The following TTLL6 variants were observed in gnomAD, a reference collection of about 807,000 sequenced individuals.
TTLL6 encodes the protein tubulin polyglutamylase TTLL6.
In TTLL6, 75 loss-of-function variants were observed where a neutral mutation model predicts 96.4. The ratio of observed to expected loss-of-function variants is 0.78; its 90% CI spans 0.65 to 0.94. The LOEUF (loss-of-function observed/expected upper bound fraction) is 0.94. Ranked by LOEUF, TTLL6 falls within the 40% of genes least tolerant of loss-of-function variation. The pLI is 0.00. For missense variants in TTLL6, 1,030 were observed against 1,093.0 expected, an observed-to-expected ratio of 0.94 and a Z score of 0.81; for synonymous variants, 411 against 419.4, an observed-to-expected ratio of 0.98 and a Z score of 0.24.
chr17:48,773,411 C>T (rs1376807005), intron 13 of TTLL6, among the ~76,000 whole-genome samples: 1 of 152,166 alleles, frequency 6.6e-6, no homozygotes, highest in Non-Finnish European at 1.5e-5. Flanking sequence ...TGGTATAAAT[C>T]TTCCACCTTT....
chr17:48,780,088 A>G (rs1170970174), intron 13 of TTLL6, among the ~76,000 whole-genome samples: 1 of 148,160 alleles, frequency 6.7e-6, no homozygotes, highest in Non-Finnish European at 1.5e-5. Flanking sequence ...TAGGGCTCAG[A>G]AAAAAAAAAG....
intron 9 of TTLL6, among the ~76,000 whole-genome samples, chr17:48,790,586 T>C (rs1318749678): frequency 6.6e-6 from 1 of 152,144 alleles, no homozygotes; most frequent in African/African-American, 2.4e-5. Context: ...CCATGTGACA[T>C]TTGCAGATTT....
chr17:48,788,755 C>T (rs1422685994), intron 10 of TTLL6, among the ~76,000 whole-genome samples: 1 of 152,150 alleles, frequency 6.6e-6, no homozygotes, highest in African/African-American at 2.4e-5. Flanking sequence ...CCTTAGCTTT[C>T]AGAACAAGGC....
chr17:48,766,424 G>T (rs554957933), intron 15 of TTLL6, among the ~76,000 whole-genome samples: 5 of 152,258 alleles, frequency 3.3e-5, no homozygotes, highest in Admixed American at 2.0e-4. Context: ...TAAATTCAAC[G>T]GTCAATGCAG....
rs1296628562 is a variant in TTLL6, at chr17:48,785,143, C to T, written c.1820G>A (p.Gly607Asp). 3.7e-6 allele frequency: 6 copies of T among 1,614,140 alleles called. No homozygotes were observed. Among genetic ancestry groups the T allele is most frequent in the South Asian group, 3.3e-5 (3 of 91,090 alleles). ...GCTGTCTGTTTCATTTTTCCTTTCA[C>T]CTCTGACACTCAAGAGCAAGTCAGG... The part of the protein sequence containing the change: ...YTPDLLLSVR[G>D]ERKNETDSSL... The change falls in exon 13 of 16, where the codon GGT becomes GAT. Residue 607 changes from glycine (G) to aspartate (D), a missense_variant. Coordinates refer to ENST00000393382, the MANE Select transcript of TTLL6 (RefSeq NM_001130918.3).
At chr17:48,779,630 A>G (rs1231256281) in intron 13 of TTLL6, among the ~76,000 whole-genome samples, 1 of 152,204 alleles carries the variant, frequency 6.6e-6, no homozygotes, top group African/African-American at 2.4e-5. Flanking sequence ...TGACCATAAA[A>G]TAAACAACCA....
intron 12 of TTLL6, 114 bp from the exon 13 acceptor site, chr17:48,785,315 G>A (rs1268330565): frequency 6.2e-6 from 9 of 1,447,610 alleles, no homozygotes; most frequent in South Asian, 2.6e-5. Flanking sequence ...GAAAGCAGTC[G>A]ATAGTAAAGT....
rs749723188 is a variant in TTLL6 at position 48,777,730 on chromosome 17, C to CAAA, written c.2040+7190_2040+7192dup. Reference sequence around the variant, plus strand: ...TGGGCGACAGAGTGAGACTCCGTCTCAAAAAAAAAAAAATATACAAAAATA... The same window carrying CAAA: ...TGGGCGACAGAGTGAGACTCCGTCTCAAAAAAAAAAAAAAAATATACAAAAATA... On this transcript the variant is annotated intron_variant, in intron 13 of 15. Transcript: ENST00000393382. 2.3e-5 allele frequency among the ~76,000 whole-genome samples: 3 copies of CAAA among 133,218 alleles called. 1 individual carries two copies. The highest frequency in any genetic ancestry group is 4.8e-5 in the Non-Finnish European group (3 of 62,520). 87.4% of individuals were successfully genotyped at this position (133,218 alleles called of 152,430 possible).
At chr17:48,790,465 G>A (rs917132629) in intron 9 of TTLL6, among the ~76,000 whole-genome samples, 7 of 152,198 alleles carry the variant, frequency 4.6e-5, no homozygotes, top group Non-Finnish European at 8.8e-5. Flanking sequence ...TTGGACATAG[G>A]AGGTAGAGAG....
intron 13 of TTLL6, among the ~76,000 whole-genome samples, chr17:48,770,910 T>C (rs4553671): frequency 0.25 from 38,328 of 151,448 alleles, 4,989 homozygotes; most frequent in Admixed American, 0.38. Flanking sequence ...AAGAGTGAAA[T>C]TCTGTCTCAA....
At chr17:48,763,157 T>C (rs2038522784) in intron 15 of TTLL6, among the ~76,000 whole-genome samples, 184 bp from the exon 16 acceptor site, 1 of 140,104 alleles carries the variant, frequency 7.1e-6, no homozygotes, top group African/African-American at 2.6e-5. Context: ...CCTTCTTGCC[T>C]GAAATATTGG....
chr17:48,771,593 C>T (rs1403405712), intron 13 of TTLL6, among the ~76,000 whole-genome samples: 2 of 151,872 alleles, frequency 1.3e-5, no homozygotes, highest in African/African-American at 4.8e-5. Flanking sequence ...GATCACACCA[C>T]TTCACTCCAG....
intron 15 of TTLL6, among the ~76,000 whole-genome samples, chr17:48,768,655 C>T (rs984813228): frequency 2.0e-5 from 3 of 151,950 alleles, no homozygotes; most frequent in Non-Finnish European, 4.4e-5. Context: ...ATCTTCTCGC[C>T]TCAGCCTCTC....
intron 13 of TTLL6, among the ~76,000 whole-genome samples, chr17:48,780,095 A>G (rs2038957342): frequency 6.6e-6 from 1 of 152,200 alleles, no homozygotes; most frequent in African/African-American, 2.4e-5. Context: ...CAGAAAAAAA[A>G]AAGAGGACAT....
chr17:48,793,960 G>A (rs1215332262), intron 8 of TTLL6, among the ~76,000 whole-genome samples: 2 of 152,116 alleles, frequency 1.3e-5, no homozygotes, highest in African/African-American at 4.8e-5. Flanking sequence ...GGCAAGGAGA[G>A]AGAATACACC....
rs1213239066 is a variant in TTLL6 at position 48,817,057 on chromosome 17, G to A, written c.16C>T (p.Leu6Phe). The A allele has an allele frequency of 5.2e-6, 8 of 1,543,784 alleles. No individual in the cohort carries two copies. Among genetic ancestry groups the A allele is most frequent in the Non-Finnish European group, 6.1e-6 (7 of 1,145,512 alleles). Residue 6 changes from leucine (L) to phenylalanine (F), a missense_variant, in exon 1 of 16, where the codon CTT (leucine) becomes TTT (phenylalanine). Coordinates refer to ENST00000393382, the MANE Select transcript of TTLL6 (RefSeq NM_001130918.3). Reference protein sequence around the residue: MGALLLHPSRRGPAGV... With the variant: MGALLFHPSRRGPAGV... ...GCCGGCCCCCTCCTCGAAGGATGAA[G>A]GAGTAACGCTCCCATTGGCTGCCAG...
At position 48,810,773 on chromosome 17, in the gene TTLL6, GTA is replaced by G. The variant is rs1301228918; in HGVS notation, c.104-5784_104-5783del. 2.1e-3 allele frequency among the ~76,000 whole-genome samples: 259 copies of G among 122,098 alleles called. 10 individuals are homozygous for G. Among genetic ancestry groups the G allele is most frequent in the African/African-American group, 7.4e-3 (233 of 31,518 alleles). 80.1% of individuals were successfully genotyped at this position (122,098 alleles called of 152,430 possible). A position where few individuals can be genotyped will look rare whatever the true frequency, so the allele number is the denominator to read the frequency against. ...TATAGTACATATATACACATATATAGTATGTGTGTATATATATATAGTACATA... is the reference window on the plus strand; with the variant it reads ...TATAGTACATATATACACATATATAGTGTGTGTATATATATATAGTACATA... On this transcript the variant is annotated intron_variant, in intron 1 of 15. Transcript: ENST00000393382.
Position 48,801,614 on chromosome 17 carries a change from T to C in TTLL6, c.391A>G (p.Arg131Gly). Residue 131 changes from arginine (R) to glycine (G), a missense_variant, in exon 4 of 16, where the codon AGA becomes GGA. Coordinates refer to ENST00000393382, the MANE Select transcript of TTLL6 (RefSeq NM_001130918.3). ...VRRAAQQYGF[R>G]EGGEDDDWTL... ...CAGTCATCGTCTTCCCCTCCCTCTC[T>C]AAAGCCGTACTGTTGGGCAGCCCTG... 1 of 1,551,606 alleles carries C rather than the reference T, an allele frequency of 6.4e-7. No individual in the cohort carries two copies. The highest frequency in any genetic ancestry group is 8.7e-7 in the Non-Finnish European group (1 of 1,146,994).
At chr17:48,788,065 T>C in intron 10 of TTLL6, 66 bp from the exon 11 acceptor site, 1 of 1,527,200 alleles carries the variant, frequency 6.5e-7, no homozygotes, top group Non-Finnish European at 8.9e-7. Context: ...AAGGGATATG[T>C]CCAAGCTGGA....
Sources: allele counts gnomAD v4.1 joint callset (sites outside exome capture counted in the v4.1 genomes callset), GRCh38; gene constraint gnomAD v4.1.1; transcripts MANE v1.5; gene names NCBI Gene and HGNC (gene_info 2026-07-23, HGNC 2026-07-21).